The following ARHGEF10 variants were observed in gnomAD, a reference collection of about 807,000 sequenced individuals.
ARHGEF10 encodes Rho guanine nucleotide exchange factor 10.
Under a neutral mutation model 147.4 loss-of-function variants are expected in ARHGEF10, and 140 were observed. That is an observed-to-expected ratio of 0.95 (90% CI 0.83 to 1.09). The LOEUF is 1.09. ARHGEF10 is among the 50% of genes least tolerant of loss of function. The pLI is 0.00. For missense variants in ARHGEF10, 2,222 were observed against 1,752.7 expected (o/e 1.27, Z -4.78); for synonymous variants, 902 against 695.8 (o/e 1.30, Z -4.67).
intron 17 of ARHGEF10, among the ~76,000 whole-genome samples, chr8:1,907,054 C>T (rs1810952276): frequency 6.6e-6 from 1 of 152,198 alleles, no homozygotes; most frequent in Admixed American, 6.5e-5. Context: ...CCCACTGCAC[C>T]CTGCGTTGGA....
At chr8:1,826,111 A>G (rs1802753936) in intron 1 of ARHGEF10, 1 of 1,594,616 alleles carries the variant, frequency 6.3e-7, no homozygotes, top group Admixed American at 1.7e-5. Context: ...TTATAGACAG[A>G]TGAGACCTCC....
At position 1,898,478 on chromosome 8, in the gene ARHGEF10, A is replaced by G. The variant is rs768281374; in HGVS notation, c.1603A>G (p.Met535Val). 6.2e-7 allele frequency: 1 copy of G among 1,614,120 alleles called. No homozygotes were observed. The highest frequency in any genetic ancestry group is 8.5e-7 in the Non-Finnish European group (1 of 1,180,020). ...CGATCGAACCACGCTCTACAGCCTG[A>G]TGATGAAGCCCATCCAGAGGTTCCC... ...SPDRTTLYSLMMKPIQRFPQF... is the reference protein window; with the variant it reads ...SPDRTTLYSLVMKPIQRFPQF... The change falls in exon 15 of 29, where the codon ATG becomes GTG. Residue 535 changes from methionine to valine, a missense_variant. Met to Val is a conservative substitution (Grantham distance 21). Coordinates refer to ENST00000349830, the MANE Select transcript of ARHGEF10 (RefSeq NM_014629.4).
rs1805977903 is a variant in ARHGEF10 at position 1,860,140 on chromosome 8, A to G, written c.437A>G (p.Tyr146Cys). ...AACCTGCCCCTCCTGCTGCCCGCCT[A>G]CTCCAGCCCGGTCATCATCTGCGCC... ...PSNLPLLLPA[Y>C]SSPVIICATS... is the part of the protein sequence containing the mutation. Residue 146 changes from tyrosine (Y) to cysteine (C), a missense_variant, in exon 4 of 29, where the codon TAC (tyrosine) becomes TGC (cysteine). By Grantham distance (194) the Tyr-to-Cys change is radical. Coordinates refer to ENST00000349830, the MANE Select transcript of ARHGEF10 (RefSeq NM_014629.4). 6.2e-7 allele frequency: 1 copy of G among 1,612,890 alleles called. No homozygotes were observed. Among genetic ancestry groups the G allele is most frequent in the African/African-American group, 1.3e-5 (1 of 74,584 alleles).
chr8:1,857,688 G>T (rs1214222485), intron 2 of ARHGEF10, among the ~76,000 whole-genome samples: 1 of 150,120 alleles, frequency 6.7e-6, no homozygotes, highest in Non-Finnish European at 1.5e-5. Flanking sequence ...AAAGTGCTGG[G>T]ATTACAGATG....
intron 18 of ARHGEF10, among the ~76,000 whole-genome samples, chr8:1,919,586 T>C (rs1812064144): frequency 6.6e-6 from 1 of 150,458 alleles, no homozygotes; most frequent in African/African-American, 2.5e-5. Context: ...CTGTGGATGA[T>C]GGAGCTGTTC....
intron 11 of ARHGEF10, among the ~76,000 whole-genome samples, chr8:1,891,603 T>A (rs561206793): frequency 6.6e-6 from 1 of 152,264 alleles, no homozygotes; most frequent in South Asian, 2.1e-4. Context: ...TCTCTGATTG[T>A]CCTCCAGCCC....
At chr8:1,945,855 T>C (rs892036694) in intron 27 of ARHGEF10, 200 bp downstream of exon 27, 1 of 645,908 alleles carries the variant, frequency 1.5e-6, no homozygotes, top group Non-Finnish European at 2.4e-6. Context: ...CGCTTCCCGG[T>C]GCAGGGCACA....
chr8:1,863,010 C>G (rs570304574), intron 4 of ARHGEF10, among the ~76,000 whole-genome samples: 1 of 152,146 alleles, frequency 6.6e-6, no homozygotes, highest in East Asian at 1.9e-4. Context: ...GACTTGATCT[C>G]CTGACCTCGT....
intron 13 of ARHGEF10, among the ~76,000 whole-genome samples, 194 bp from the exon 14 acceptor site, chr8:1,896,139 C>T (rs1222920797): frequency 6.6e-6 from 1 of 152,130 alleles, no homozygotes; most frequent in African/African-American, 2.4e-5. Flanking sequence ...AAAATAAGGT[C>T]AAACCAGCAA....
chr8:1,829,873 T>C (rs926767224), intron 1 of ARHGEF10, among the ~76,000 whole-genome samples: 4 of 152,152 alleles, frequency 2.6e-5, no homozygotes, highest in Non-Finnish European at 5.9e-5. Context: ...GCTCCTGGAA[T>C]GGCGTTTAGA....
chr8:1,875,980 G>A (rs1181413623), intron 7 of ARHGEF10: 1 of 157,302 alleles, frequency 6.4e-6, no homozygotes, highest in African/African-American at 2.4e-5. Flanking sequence ...GAGTTAGAGA[G>A]ACACTCATAT....
chr8:1,957,703 C>T lies in ARHGEF10; in HGVS notation c.*440C>T, dbSNP rs112454457. The stretch of plus-strand genomic sequence containing the variant: ...CAATTCTTAAAAGTTTTACCTGATT[C>T]AGATTCACGACTTTTATTTATATTC... On this transcript the variant is annotated 3_prime_UTR_variant, in exon 29 of 29. Coordinates refer to ENST00000349830, the MANE Select transcript of ARHGEF10 (RefSeq NM_014629.4). 0.012 allele frequency: 1,899 copies of T among 161,552 alleles called. 20 individuals carry two copies. The highest frequency in any genetic ancestry group is 0.019 in the Non-Finnish European group (1,388 of 74,258). The allele number at this position is 161,552 out of a possible 1,614,324, so 10.0% of individuals were successfully genotyped here.
chr8:1,877,522 C>A lies in ARHGEF10; in HGVS notation c.843+788C>A, dbSNP rs151241523. On this transcript the variant is annotated intron_variant, in intron 8 of 28. Transcript: ENST00000349830. ...GGATTGCAGGTGTGAACCACCACAC[C>A]CAGCCGGATGATCCTTTCTTACAGG... Among the ~76,000 whole-genome samples, 8 of 152,334 alleles carry A rather than the reference C, an allele frequency of 5.3e-5. No homozygotes were observed. In the East Asian group the frequency reaches 1.5e-3, roughly 29 times the overall value.
Position 1,859,935 on chromosome 8 carries a change from G to A in ARHGEF10, c.232G>A (p.Ala78Thr), listed in dbSNP as rs1488863461. 5.0e-6 allele frequency: 8 copies of A among 1,614,144 alleles called. No individual in the cohort carries two copies. The highest frequency in any genetic ancestry group is 6.8e-6 in the Non-Finnish European group (8 of 1,180,024). ...AGCTGGAGCAGAAACCACCCCAGTG[G>A]CAGAGCCTACTAAGCTGGTGCTCCC... is the stretch of plus-strand genomic sequence containing the variant. ...DGAGAETTPVAEPTKLVLPMK... is the reference protein window; with the variant it reads ...DGAGAETTPVTEPTKLVLPMK... Residue 78 changes from alanine to threonine, a missense_variant, in exon 4 of 29, where the codon GCA becomes ACA. Ala to Thr is a moderately conservative substitution (Grantham distance 58). Transcript: ENST00000349830.
intron 25 of ARHGEF10, among the ~76,000 whole-genome samples, chr8:1,933,114 C>G (rs1300097314): frequency 2.0e-5 from 3 of 152,124 alleles, no homozygotes; most frequent in African/African-American, 4.8e-5. Flanking sequence ...TATTTTCAAA[C>G]CAGAATATTT....
In ARHGEF10 at chr8:1,826,448, G is replaced by A. The variant is rs184200970; in HGVS notation, c.-48+2335G>A. Among the ~76,000 whole-genome samples, 75 of 151,950 alleles carry A rather than the reference G, an allele frequency of 4.9e-4. 2 individuals are homozygous for A. Among genetic ancestry groups the A allele is most frequent in the Non-Finnish European group, 1.5e-4 (10 of 67,950 alleles). On this transcript the variant is annotated intron_variant, in intron 1 of 28. Transcript: ENST00000349830. ...GCGCTTTGTGTGTGTGTGTGTGCGC[G>A]TGTGTGAGTTGTAGATAGAGGCGTT...
At chr8:1,911,577 A>T (rs890309121) in intron 18 of ARHGEF10, among the ~76,000 whole-genome samples, 1 of 152,106 alleles carries the variant, frequency 6.6e-6, no homozygotes. Flanking sequence ...ATTTACAGAG[A>T]AGGTGAAAGT....
Position 1,925,334 on chromosome 8 carries a change from T to C in ARHGEF10, c.2540T>C (p.Ile847Thr). 5 of 1,614,064 alleles carry C rather than the reference T, an allele frequency of 3.1e-6. No homozygotes were observed. The highest frequency in any genetic ancestry group is 2.2e-5 in the East Asian group (1 of 44,872). Residue 847 changes from isoleucine to threonine, a missense_variant, in exon 22 of 29, where the codon ATT (isoleucine) becomes ACT (threonine). Transcript: ENST00000349830. ...WFCVEDDGNH[I>T]KKEKHPLLVG... ...TGTGTGGAAGACGATGGGAATCACA[T>C]TAAAAAGGAGAAGCATCCTCTCCTC...
intron 18 of ARHGEF10, among the ~76,000 whole-genome samples, chr8:1,922,505 G>A (rs1027444232): frequency 3.3e-5 from 5 of 152,138 alleles, no homozygotes; most frequent in African/African-American, 9.7e-5. Context: ...CGCGAAAGAG[G>A]AAGATTGAGA....
Sources: allele counts gnomAD v4.1 joint callset (sites outside exome capture counted in the v4.1 genomes callset), GRCh38; gene constraint gnomAD v4.1.1; transcripts MANE v1.5; gene names NCBI Gene and HGNC (gene_info 2026-07-23, HGNC 2026-07-21).